Variants in RPS6KA2 observed in about 807,000 individuals in gnomAD.
RPS6KA2 encodes the protein ribosomal protein S6 kinase alpha-2.
A neutral mutation model predicts 91.8 loss-of-function variants in RPS6KA2; 42 were observed. That is an observed-to-expected ratio of 0.46 (90% confidence interval 0.36 to 0.59). The LOEUF (loss-of-function observed/expected upper bound fraction) is 0.59, where lower values mean the gene tolerates loss of function less well. RPS6KA2 is among the 20% of genes least tolerant of loss of function. RPS6KA2 has a pLI of 0.00. For missense variants in RPS6KA2, 798 were observed against 978.5 expected, an observed-to-expected ratio of 0.82 and a Z score of 2.46; for synonymous variants, 414 against 393.6, an observed-to-expected ratio of 1.05 and a Z score of -0.61.
intron 8 of RPS6KA2, among the ~76,000 whole-genome samples, chr6:166,491,400 C>T (rs1781582938): frequency 6.6e-6 from 1 of 152,170 alleles, no homozygotes; most frequent in South Asian, 2.1e-4. Context: ...CCCCCGGGCA[C>T]ATGCAGTGGT....
At chr6:166,615,574 G>A (rs954801347) in intron 1 of RPS6KA2, among the ~76,000 whole-genome samples, 3 of 152,140 alleles carry the variant, frequency 2.0e-5, no homozygotes, top group African/African-American at 7.2e-5. Context: ...GGCCTTTCCC[G>A]CTTGAAACAC....
At chr6:166,851,564 C>T (rs1388133180) in intron 2 of RPS6KA2, among the ~76,000 whole-genome samples, 6 of 152,236 alleles carry the variant, frequency 3.9e-5, no homozygotes, top group Non-Finnish European at 8.8e-5. Flanking sequence ...CTCCCTGGAG[C>T]CATGCGTGAG....
chr6:166,453,327 G>T (rs1267308781), intron 12 of RPS6KA2, among the ~76,000 whole-genome samples: 1 of 151,884 alleles, frequency 6.6e-6, no homozygotes, highest in Non-Finnish European at 1.5e-5. Flanking sequence ...AACTGACAGG[G>T]GAGTAATATC....
At chr6:166,704,119 T>C (rs942590487) in intron 2 of RPS6KA2, among the ~76,000 whole-genome samples, 2 of 152,174 alleles carry the variant, frequency 1.3e-5, no homozygotes, top group African/African-American at 4.8e-5. Context: ...AAAAGAACAA[T>C]TCTCCCCTCC....
rs750282062 is a variant in RPS6KA2, at chr6:166,500,078, G to C, written c.604+809C>G. ...TGCTGCCTGCTGGCTTCCACCATGG[G>C]GGACGCAGCCCAGCCAAGGACTGCG... On this transcript the variant is annotated intron_variant, in intron 7 of 20. Coordinates refer to ENST00000265678, the MANE Select transcript of RPS6KA2 (RefSeq NM_021135.6). The surrounding 1 kb of genome is among the most constrained non-coding windows in gnomAD (Gnocchi z 4.3). Among the ~76,000 whole-genome samples the C allele has an allele frequency of 1.2e-4, 18 of 152,222 alleles. No individual in the cohort carries two copies. The highest frequency in any genetic ancestry group is 2.4e-4 in the Non-Finnish European group (16 of 68,044).
chr6:166,605,867 G>A (rs186448080), intron 1 of RPS6KA2, among the ~76,000 whole-genome samples: 10 of 152,328 alleles, frequency 6.6e-5, no homozygotes, highest in African/African-American at 1.9e-4. Context: ...GAGACATAAA[G>A]GCATTACGCT....
In RPS6KA2 at chr6:166,509,120, A is replaced by C. The variant is rs181187246; in HGVS notation, c.380-838T>G. Among the ~76,000 whole-genome samples the C allele has an allele frequency of 8.5e-5, 13 of 152,320 alleles. No individual in the cohort carries two copies. The East Asian group carries it at 2.3e-3, about 27-fold the overall frequency. ...AAAGTAAATGCTAGAAGCATCATAAATGTGGGGGTTTTAGAAACATAGCCC... is the reference window on the plus strand; with the variant it reads ...AAAGTAAATGCTAGAAGCATCATAACTGTGGGGGTTTTAGAAACATAGCCC... On this transcript the variant is annotated intron_variant, in intron 4 of 20. Transcript: ENST00000265678.
chr6:166,707,661 C>A (rs1433081964), intron 2 of RPS6KA2, among the ~76,000 whole-genome samples: 1 of 152,064 alleles, frequency 6.6e-6, no homozygotes, highest in African/African-American at 2.4e-5. Context: ...AAACAAGTGA[C>A]CTAAAATGTA....
intron 10 of RPS6KA2, among the ~76,000 whole-genome samples, chr6:166,477,888 C>T (rs1005704668): frequency 6.6e-6 from 1 of 152,182 alleles, no homozygotes; most frequent in Non-Finnish European, 1.5e-5. Context: ...TCAGCCTGGG[C>T]AACAGAGCAA....
chr6:166,615,103 C>A (rs1322094749), intron 1 of RPS6KA2, among the ~76,000 whole-genome samples: 1 of 152,194 alleles, frequency 6.6e-6, no homozygotes, highest in East Asian at 1.9e-4. Flanking sequence ...ACTAGTCCTA[C>A]TTTATTTCCT....
chr6:166,856,410 T>A (rs1211847839), intron 2 of RPS6KA2, among the ~76,000 whole-genome samples: 1 of 152,182 alleles, frequency 6.6e-6, no homozygotes, highest in Non-Finnish European at 1.5e-5. Context: ...CATGCCTTAA[T>A]TGTGGACTTC....
At chr6:166,719,211 A>C (rs1001408349) in intron 2 of RPS6KA2, among the ~76,000 whole-genome samples, 3 of 152,200 alleles carry the variant, frequency 2.0e-5, no homozygotes, top group Non-Finnish European at 2.9e-5. Flanking sequence ...ATGTGCTTGG[A>C]ATGCACTATT....
Position 166,758,799 on chromosome 6 carries a change from G to C in RPS6KA2, c.123+99401C>G, listed in dbSNP as rs149003862. Among the ~76,000 whole-genome samples, 121 of 152,330 alleles carry C rather than the reference G, an allele frequency of 7.9e-4. 1 individual carries two copies. The South Asian group carries it at 0.018, about 23-fold the overall frequency. The stretch of plus-strand genomic sequence containing the variant: ...GACTGAAATGGACAGAAATGACCTT[G>C]ATTTAGGGTAGTGCATTGCTAAAAG... On this transcript the variant is annotated intron_variant, in intron 2 of 21. Transcript: ENST00000503859.
intron 2 of RPS6KA2, among the ~76,000 whole-genome samples, chr6:166,786,323 A>G (rs1037009783): frequency 3.3e-5 from 5 of 152,266 alleles, no homozygotes; most frequent in Non-Finnish European, 7.3e-5. Context: ...ATAAGGAAGG[A>G]GAATTTACAA....
rs931703550 is a variant in RPS6KA2 at position 166,626,936 on chromosome 6, G to T, written c.84C>A (p.Ser28Arg). 4.5e-6 allele frequency: 7 copies of T among 1,548,436 alleles called. No individual in the cohort carries two copies. In the Admixed American group the frequency reaches 9.2e-5, roughly 20 times the overall value. Reference protein sequence around the residue: ...LRRKSRSKSSSLSRLEEEGVV... With the variant: ...LRRKSRSKSSRLSRLEEEGVV... Reference sequence around the variant, plus strand: ...GCCGCATTACCTCGAGCCGGCTCAGGCTGGAGCTCTTGGAGCGCGACTTCC... The same window carrying T: ...GCCGCATTACCTCGAGCCGGCTCAGTCTGGAGCTCTTGGAGCGCGACTTCC... Residue 28 changes from serine to arginine, a missense_variant, in exon 1 of 21, where the codon AGC becomes AGA. Ser to Arg is a moderately radical substitution (Grantham distance 110). Transcript: ENST00000265678. The surrounding 1 kb of genome is among the most constrained non-coding windows in gnomAD (Gnocchi z 4.1).
rs5881701 is a variant in RPS6KA2, at chr6:166,571,677, CTTT to C, written c.100-32896_100-32894del. On this transcript the variant is annotated intron_variant, in intron 1 of 20. Transcript: ENST00000265678. ...GAAATAAAATTAGATAGGTGAGAGA[CTTT>C]TTTTTTTTTTTGCCTATCTAGTTAA... Among the ~76,000 whole-genome samples, 481 of 147,384 alleles carry C rather than the reference CTTT, an allele frequency of 3.3e-3. 2 individuals are homozygous for C. The highest frequency in any genetic ancestry group is 7.3e-3 in the African/African-American group (296 of 40,282).
chr6:166,751,506 C>T (rs930095421), intron 2 of RPS6KA2, among the ~76,000 whole-genome samples: 18 of 152,220 alleles, frequency 1.2e-4, no homozygotes, highest in South Asian at 2.1e-4. Flanking sequence ...AGGTGCAGGC[C>T]GGCCAGCCCA....
At chr6:166,488,791 G>A (rs770530236) in intron 10 of RPS6KA2, 42 bp downstream of exon 10, 181 of 1,495,700 alleles carry the variant, frequency 1.2e-4, no homozygotes, top group Admixed American at 1.7e-4. Flanking sequence ...GCGGGGCAGC[G>A]CCCTGCACGT....
At chr6:166,565,141 G>T (rs964545169) in intron 1 of RPS6KA2, among the ~76,000 whole-genome samples, 14 of 152,196 alleles carry the variant, frequency 9.2e-5, no homozygotes, top group Non-Finnish European at 1.6e-4. Flanking sequence ...TGGGAGAAAA[G>T]AGCAGGCTGG....
Sources: gnomAD v4.1 joint callset for allele counts (sites outside exome capture counted in the v4.1 genomes callset) on GRCh38, gnomAD v4.1.1 for gene constraint, Gnocchi (gnomAD v3.1) non-coding constraint, MANE v1.5 for transcripts, NCBI Gene and HGNC (gene_info 2026-07-23, HGNC 2026-07-21) for gene names.